CTNNBIP1: variants seen among roughly 807,000 people sequenced by gnomAD.
CTNNBIP1 encodes catenin beta interacting protein 1.
CTNNBIP1 carries 7 observed loss-of-function variants against 11.8 expected under a neutral mutation model. That is an observed-to-expected ratio of 0.60 (90% confidence interval 0.34 to 1.12). The LOEUF is 1.12. Among genes scored for constraint, CTNNBIP1 ranks in the 50% most tolerant of loss-of-function variants. The pLI is 0.03. For synonymous variants in CTNNBIP1, 58 were observed against 43.9 expected (o/e 1.32, Z -1.26); for missense variants, 101 against 113.4 (o/e 0.89, Z 0.50).
chr1:9,897,601 G>A (rs1189801713), intron 1 of CTNNBIP1, among the ~76,000 whole-genome samples: 1 of 151,304 alleles, frequency 6.6e-6, no homozygotes, highest in African/African-American at 2.4e-5. Context: ...GCAGTGAGCC[G>A]AGATCCTGCT....
intron 1 of CTNNBIP1, among the ~76,000 whole-genome samples, chr1:9,885,651 A>G (rs1639172776): frequency 6.6e-6 from 1 of 152,030 alleles, no homozygotes; most frequent in South Asian, 2.1e-4. Flanking sequence ...CTCTAAAAAA[A>G]AAAAAAAAGA....
intron 3 of CTNNBIP1, among the ~76,000 whole-genome samples, chr1:9,873,937 C>T (rs1253773477): frequency 1.3e-5 from 2 of 152,082 alleles, no homozygotes; most frequent in Non-Finnish European, 2.9e-5. Flanking sequence ...CAGGGTCTTG[C>T]TATGTTGCCC....
rs146634257 is a variant in CTNNBIP1 at position 9,898,510 on chromosome 1, G to A, written c.-144+11585C>T. On this transcript the variant is annotated intron_variant, in intron 1 of 5. Coordinates refer to ENST00000377263, the MANE Select transcript of CTNNBIP1 (RefSeq NM_020248.3). Reference sequence around the variant, plus strand: ...CTGCACTACAGCCTGGCAACACAGCGAGACTGTGTCTCAAAAGGGAAAAAA... The same window carrying A: ...CTGCACTACAGCCTGGCAACACAGCAAGACTGTGTCTCAAAAGGGAAAAAA... Among the ~76,000 whole-genome samples the A allele has an allele frequency of 1.3e-3, 203 of 151,970 alleles. 1 individual carries two copies. Among genetic ancestry groups the A allele is most frequent in the African/African-American group, 4.5e-3 (187 of 41,440 alleles).
chr1:9,899,554 A>T lies in CTNNBIP1; in HGVS notation c.-144+10541T>A, dbSNP rs529881845. 3.2e-4 allele frequency among the ~76,000 whole-genome samples: 44 copies of T among 137,608 alleles called. No individual in the cohort carries two copies. The East Asian group carries it at 8.4e-3, about 26-fold the overall frequency. 90.3% of individuals were successfully genotyped at this position (137,608 alleles called of 152,430 possible). A position where few individuals can be genotyped will look rare whatever the true frequency, so the allele number is the denominator to read the frequency against. ...GGTGGGTAGGTCACAAGGTCAGGAGATCAAGGCTATCTTGGCCAACATGGT... is the reference window on the plus strand; with the variant it reads ...GGTGGGTAGGTCACAAGGTCAGGAGTTCAAGGCTATCTTGGCCAACATGGT... On this transcript the variant is annotated intron_variant, in intron 1 of 5. Transcript: ENST00000377263.
intron 3 of CTNNBIP1, among the ~76,000 whole-genome samples, chr1:9,876,845 TACACACACACACACACACAC>T (rs34192085): frequency 7.2e-5 from 10 of 138,210 alleles, no homozygotes; most frequent in East Asian, 4.3e-4. Flanking sequence ...CTGCTATACA[TACACACACACACACACACAC>T]ACACACACAC....
At chr1:9,866,826 C>T (rs1233462946) in intron 5 of CTNNBIP1, among the ~76,000 whole-genome samples, 1 of 151,780 alleles carries the variant, frequency 6.6e-6, no homozygotes, top group Non-Finnish European at 1.5e-5. Flanking sequence ...AGCTGTGAGA[C>T]AAGAGTGAAT....
At chr1:9,896,260 C>T (rs1346301562) in intron 1 of CTNNBIP1, among the ~76,000 whole-genome samples, 1 of 152,222 alleles carries the variant, frequency 6.6e-6, no homozygotes, top group Non-Finnish European at 1.5e-5. Context: ...ACTAGAAGTG[C>T]ATAATGCCAG....
chr1:9,901,511 T>C (rs1639521868), intron 1 of CTNNBIP1, among the ~76,000 whole-genome samples: 1 of 152,130 alleles, frequency 6.6e-6, no homozygotes, highest in Non-Finnish European at 1.5e-5. Context: ...GGGTGGTTAT[T>C]CGGTTCAGGT....
chr1:9,852,249 G>T (rs1638406560), intron 5 of CTNNBIP1, among the ~76,000 whole-genome samples: 1 of 152,184 alleles, frequency 6.6e-6, no homozygotes. Context: ...GCACCCAGCT[G>T]TCGGGAGGGC....
At chr1:9,876,518 G>A (rs1041234419) in intron 3 of CTNNBIP1, among the ~76,000 whole-genome samples, 5 of 152,172 alleles carry the variant, frequency 3.3e-5, no homozygotes, top group Non-Finnish European at 7.4e-5. Context: ...CTCGGAGACC[G>A]AGGCAGGAGA....
rs374782493 is a variant in CTNNBIP1, at chr1:9,897,409, G to A, written c.-144+12686C>T. 9.3e-5 allele frequency among the ~76,000 whole-genome samples: 14 copies of A among 150,346 alleles called. 1 individual carries two copies. The South Asian group carries it at 1.9e-3, about 20-fold the overall frequency. On this transcript the variant is annotated intron_variant, in intron 1 of 5. Transcript: ENST00000377263. The stretch of plus-strand genomic sequence containing the variant: ...GCGGAGCTTGCAGTGAGCCAAGATC[G>A]CTCCACTGCACTCTAGCCTGGGCCA...
At chr1:9,897,760 G>A (rs1016239642) in intron 1 of CTNNBIP1, among the ~76,000 whole-genome samples, 1 of 152,172 alleles carries the variant, frequency 6.6e-6, no homozygotes, top group Non-Finnish European at 1.5e-5. Flanking sequence ...GTTGCAGTGC[G>A]CTGAGATCGT....
chr1:9,906,430 C>T (rs543442687), intron 1 of CTNNBIP1, among the ~76,000 whole-genome samples: 7 of 152,236 alleles, frequency 4.6e-5, no homozygotes, highest in African/African-American at 7.2e-5. Flanking sequence ...TGGTGGCACA[C>T]GCCTGTAATC....
chr1:9,854,099 G>A (rs1469111615), intron 5 of CTNNBIP1, among the ~76,000 whole-genome samples: 2 of 152,172 alleles, frequency 1.3e-5, no homozygotes, highest in Non-Finnish European at 2.9e-5. Context: ...ACAAGGCCAG[G>A]TGCAGTGGCT....
chr1:9,867,359 C>T lies in CTNNBIP1; in HGVS notation c.187+3828G>A, dbSNP rs1453356049. Reference sequence around the variant, plus strand: ...GCACCTGCCTGGCTCCCCATAGATACTCAACAAATGTGACCGAGGAAGGAA... The same window carrying T: ...GCACCTGCCTGGCTCCCCATAGATATTCAACAAATGTGACCGAGGAAGGAA... On this transcript the variant is annotated intron_variant, in intron 5 of 5. Transcript: ENST00000377263. The surrounding 1 kb of genome is among the most constrained non-coding windows in gnomAD (Gnocchi z 4.6). Among the ~76,000 whole-genome samples the T allele has an allele frequency of 1.3e-5, 2 of 152,170 alleles. No homozygotes were observed. The highest frequency in any genetic ancestry group is 4.8e-5 in the African/African-American group (2 of 41,434).
chr1:9,889,019 C>T (rs747366570), intron 1 of CTNNBIP1, among the ~76,000 whole-genome samples: 1 of 152,206 alleles, frequency 6.6e-6, no homozygotes, highest in Non-Finnish European at 1.5e-5. Flanking sequence ...GGGAGGGAGG[C>T]GCCTGGAACC....
At chr1:9,870,877 A>T (rs1251596899) in intron 5 of CTNNBIP1, among the ~76,000 whole-genome samples, 1 of 152,212 alleles carries the variant, frequency 6.6e-6, no homozygotes, top group Non-Finnish European at 1.5e-5. Flanking sequence ...TGCAATAATC[A>T]GTCTCTGCAG....
At chr1:9,886,511 T>C (rs1050248408) in intron 1 of CTNNBIP1, among the ~76,000 whole-genome samples, 7 of 152,248 alleles carry the variant, frequency 4.6e-5, no homozygotes, top group South Asian at 2.1e-4. Flanking sequence ...CCTTGCACCA[T>C]TGGCAACTCT....
intron 1 of CTNNBIP1, among the ~76,000 whole-genome samples, chr1:9,908,644 G>C (rs1639669581): frequency 6.6e-6 from 1 of 152,180 alleles, no homozygotes; most frequent in African/African-American, 2.4e-5. Context: ...CTACAAGCGT[G>C]AGCCACCGCG....
Sources: gnomAD v4.1 joint callset for allele counts (sites outside exome capture counted in the v4.1 genomes callset) on GRCh38, gnomAD v4.1.1 for gene constraint, Gnocchi (gnomAD v3.1) non-coding constraint, MANE v1.5 for transcripts, NCBI Gene and HGNC (gene_info 2026-07-23, HGNC 2026-07-21) for gene names.